Variants in PTK2 observed in about 807,000 individuals in gnomAD.
PTK2 encodes the protein focal adhesion kinase 1.
PTK2 carries 45 observed loss-of-function variants against 150.1 expected under a neutral mutation model. The ratio of observed to expected loss-of-function variants is 0.30; its 90% confidence interval spans 0.24 to 0.38. The LOEUF (loss-of-function observed/expected upper bound fraction) is 0.38. Ranked by LOEUF, PTK2 falls within the 10% of genes least tolerant of loss-of-function variation. The pLI is 1.00. For missense variants in PTK2, 919 were observed against 1,307.3 expected, an observed-to-expected ratio of 0.70 and a Z score of 4.58; for synonymous variants, 432 against 449.2, an observed-to-expected ratio of 0.96 and a Z score of 0.48.
chr8:140,789,813 A>G (rs1188562847), intron 13 of PTK2, among the ~76,000 whole-genome samples: 1 of 150,670 alleles, frequency 6.6e-6, no homozygotes, highest in Admixed American at 6.6e-5. Flanking sequence ...TGGGTTAAAT[A>G]AAAATATAAA....
intron 8 of PTK2, among the ~76,000 whole-genome samples, chr8:140,822,699 A>T (rs190062512): frequency 1.3e-5 from 2 of 152,354 alleles, no homozygotes; most frequent in Admixed American, 1.3e-4. Context: ...ATTTTTAGAC[A>T]TGGCACTTAT....
chr8:140,796,198 A>C (rs2100091498), intron 12 of PTK2, among the ~76,000 whole-genome samples: 1 of 152,212 alleles, frequency 6.6e-6, no homozygotes, highest in African/African-American at 2.4e-5. Flanking sequence ...AAACTGTTTA[A>C]TTCTTCTGAT....
intron 5 of PTK2, among the ~76,000 whole-genome samples, chr8:140,852,395 T>C (rs895513314): frequency 3.9e-5 from 6 of 152,208 alleles, no homozygotes; most frequent in African/African-American, 9.6e-5. Context: ...GATGATTACA[T>C]ACATTTGCAC....
intron 17 of PTK2, among the ~76,000 whole-genome samples, chr8:140,750,833 C>G (rs930052895): frequency 2.6e-5 from 4 of 152,180 alleles, no homozygotes; most frequent in African/African-American, 7.2e-5. Context: ...CGCCTGTAAT[C>G]CCAGCTCCCT....
intron 2 of PTK2, among the ~76,000 whole-genome samples, chr8:140,919,931 G>C (rs929479939): frequency 1.3e-5 from 2 of 152,030 alleles, no homozygotes; most frequent in African/African-American, 4.8e-5. Flanking sequence ...CTGTAGTTTG[G>C]TGCTAACTTG....
At chr8:140,752,945 A>G (rs1174287987) in intron 16 of PTK2, among the ~76,000 whole-genome samples, 2 of 152,260 alleles carry the variant, frequency 1.3e-5, no homozygotes, top group African/African-American at 4.8e-5. Flanking sequence ...TGACAGAGTC[A>G]GAGAGGAACG....
In PTK2 at chr8:140,787,844, G is replaced by A. The variant is rs151091932; in HGVS notation, c.1177+1630C>T. Among the ~76,000 whole-genome samples, 368 of 152,236 alleles carry A rather than the reference G, an allele frequency of 2.4e-3. 1 individual carries two copies. The highest frequency in any genetic ancestry group is 3.4e-3 in the Middle Eastern group (1 of 294). ...CTGCTTTACAGTTTGGCAAGAAGAC[G>A]GACCAAAGGGCCTGCGAGTTATTCA... On this transcript the variant is annotated intron_variant, in intron 14 of 31. Transcript: ENST00000522684.
intron 22 of PTK2, among the ~76,000 whole-genome samples, chr8:140,722,582 T>C (rs1168842012): frequency 6.6e-6 from 1 of 152,134 alleles, no homozygotes; most frequent in African/African-American, 2.4e-5. Flanking sequence ...TTCTCTCAAC[T>C]GGCCAAACAG....
intron 1 of PTK2, among the ~76,000 whole-genome samples, chr8:140,970,899 A>C (rs1008257371): frequency 9.9e-5 from 15 of 152,074 alleles, no homozygotes; most frequent in African/African-American, 2.2e-4. Context: ...CAAAAAAAAA[A>C]ACCAAAAAAC....
At position 140,693,578 on chromosome 8, in the gene PTK2, A is replaced by T. The variant is rs1419485539; in HGVS notation, c.2500-6884T>A. Reference sequence around the variant, plus strand: ...TTTGTCTCAATTAAAAAAAAAAAAAAAAAAAAAAAAAAAAAAAAAAAAAAG... The same window carrying T: ...TTTGTCTCAATTAAAAAAAAAAAAATAAAAAAAAAAAAAAAAAAAAAAAAG... On this transcript the variant is annotated intron_variant, in intron 26 of 31. Coordinates refer to ENST00000522684, the Ensembl canonical transcript of PTK2. Among the ~76,000 whole-genome samples, 348 of 125,452 alleles carry T rather than the reference A, an allele frequency of 2.8e-3. 38 individuals carry two copies. The highest frequency in any genetic ancestry group is 0.012 in the East Asian group (56 of 4,520). 82.3% of individuals were successfully genotyped at this position (125,452 alleles called of 152,430 possible).
At chr8:140,958,481 G>A (rs1284022328) in intron 1 of PTK2, among the ~76,000 whole-genome samples, 1 of 152,086 alleles carries the variant, frequency 6.6e-6, no homozygotes, top group Non-Finnish European at 1.5e-5. Context: ...TAACTTTAAT[G>A]TAGCATAACT....
At chr8:140,988,201 T>C (rs114948600) in intron 1 of PTK2, among the ~76,000 whole-genome samples, 90 of 152,328 alleles carry the variant, frequency 5.9e-4, no homozygotes, top group African/African-American at 2.0e-3. Context: ...TCTCCACGAA[T>C]AGATGTAGAC....
At position 140,675,441 on chromosome 8, in the gene PTK2, C is replaced by G. The variant is rs371987914; in HGVS notation, c.2602+19G>C. 37 of 1,610,282 alleles carry G rather than the reference C, an allele frequency of 2.3e-5. No individual in the cohort carries two copies. The highest frequency in any genetic ancestry group is 3.1e-5 in the Non-Finnish European group (37 of 1,176,806). ...CAAATTAAACTAACTTCTTTCCGCC[C>G]AATTCTTTTCTTCTTTACCTGGTTT... is the stretch of plus-strand genomic sequence containing the variant. On this transcript the variant is annotated intron_variant, in intron 28 of 31. Coordinates refer to ENST00000522684, the Ensembl canonical transcript of PTK2.
At chr8:140,659,407 G>C in exon 32 of PTK2, 1 of 1,468,596 alleles carries the variant, frequency 6.8e-7, no homozygotes, top group Non-Finnish European at 9.4e-7. Context: ...CCTCGCTGCT[G>C]GTGGAAGGCT....
intron 12 of PTK2, 78 bp downstream of exon 12, chr8:140,800,381 A>G (rs2100094284): frequency 3.6e-6 from 4 of 1,125,966 alleles, no homozygotes; most frequent in East Asian, 4.7e-5. Flanking sequence ...CTAAAAGAGG[A>G]TAACAGGCTG....
chr8:140,730,966 T>TC (rs2100048931), intron 22 of PTK2, among the ~76,000 whole-genome samples: 1 of 63,594 alleles, frequency 1.6e-5, no homozygotes, highest in Non-Finnish European at 3.8e-5. Flanking sequence ...CCCCCCCCCC[T>TC]TTTTTTTTTG....
chr8:140,902,924 G>GTTTTTTGTTTTTTTTTTTTTTTT (rs2100159140), intron 2 of PTK2, among the ~76,000 whole-genome samples: 1 of 58,950 alleles, frequency 1.7e-5, no homozygotes, highest in African/African-American at 4.9e-5. Flanking sequence ...GATGAGAGTT[G>GTTTTTTGTTTTTTTTTTTTTTTT]TTTTTTTTTT....
chr8:140,705,249 CAA>C (rs1410870514), intron 24 of PTK2, among the ~76,000 whole-genome samples: 6 of 152,072 alleles, frequency 3.9e-5, no homozygotes, highest in Admixed American at 6.6e-5. Context: ...CATTTTGACC[CAA>C]GAGGCCTTAA....
chr8:140,868,936 T>C (rs193158564), intron 4 of PTK2, among the ~76,000 whole-genome samples: 2 of 152,322 alleles, frequency 1.3e-5, no homozygotes, highest in Admixed American at 1.3e-4. Context: ...ACTGTATCAA[T>C]GTTAATCTCC....
Sources: gnomAD v4.1 joint callset for allele counts (sites outside exome capture counted in the v4.1 genomes callset) on GRCh38, gnomAD v4.1.1 for gene constraint, MANE v1.5 for transcripts, NCBI Gene and HGNC (gene_info 2026-07-23, HGNC 2026-07-21) for gene names.